Variants in FAM107B observed in about 807,000 individuals in gnomAD.
FAM107B encodes the protein family with sequence similarity 107 member B.
A neutral mutation model predicts 31.5 loss-of-function variants in FAM107B; 21 were observed. The observed-to-expected ratio is 0.67, with a 90% CI of 0.47 to 0.96. The LOEUF (loss-of-function observed/expected upper bound fraction) is 0.96, where lower values mean the gene tolerates loss of function less well. Among genes scored for constraint, FAM107B ranks in the 40% least tolerant of loss-of-function variants. FAM107B has a pLI of 0.00. For synonymous variants in FAM107B, 157 were observed against 141.5 expected, an observed-to-expected ratio of 1.11 and a Z score of -0.78; for missense variants, 452 against 377.1, an observed-to-expected ratio of 1.20 and a Z score of -1.64.
intron 1 of FAM107B, among the ~76,000 whole-genome samples, chr10:14,680,357 T>C (rs552809262): frequency 6.6e-6 from 1 of 152,112 alleles, no homozygotes; most frequent in Non-Finnish European, 1.5e-5. Context: ...GCACATCACC[T>C]GAGGTCAGGA....
Position 14,522,187 on chromosome 10 carries a change from C to T in FAM107B, c.654-168G>A, listed in dbSNP as rs547517514. 80 of 833,530 alleles carry T rather than the reference C, an allele frequency of 9.6e-5. No homozygotes were observed. In the Admixed American group the frequency reaches 1.1e-3, roughly 11 times the overall value. 51.6% of individuals were successfully genotyped at this position (833,530 alleles called of 1,614,324 possible). ...TGGTGATCTAAGAAATTCACCAGCA[C>T]GAAAGAAAGGCAAGAGGAGATCTCC... On this transcript the variant is annotated intron_variant, in intron 3 of 4. Coordinates refer to ENST00000181796, the MANE Select transcript of FAM107B (RefSeq NM_031453.4).
intron 2 of FAM107B, among the ~76,000 whole-genome samples, chr10:14,633,942 A>C (rs1406960717): frequency 6.6e-6 from 1 of 152,226 alleles, no homozygotes; most frequent in Non-Finnish European, 1.5e-5. Flanking sequence ...AACCAGTTGT[A>C]ATGACCAAGC....
chr10:14,581,129 G>A (rs1049389231), intron 2 of FAM107B, among the ~76,000 whole-genome samples: 3 of 152,186 alleles, frequency 2.0e-5, no homozygotes, highest in African/African-American at 7.2e-5. Flanking sequence ...AAATGAGCAC[G>A]CACATATCTG....
At chr10:14,648,071 A>G (rs559263769) in intron 2 of FAM107B, among the ~76,000 whole-genome samples, 4,381 of 152,298 alleles carry the variant, frequency 0.029, 207 homozygotes, top group African/African-American at 0.1. Context: ...TGCCAAAAAA[A>G]AAAAGTATTC....
At chr10:14,655,839 G>A (rs141497913) in intron 2 of FAM107B, among the ~76,000 whole-genome samples, 348 of 152,328 alleles carry the variant, frequency 2.3e-3, no homozygotes, top group Non-Finnish European at 3.9e-3. Flanking sequence ...GGGAAAGTGA[G>A]CTGCAGTATT....
At chr10:14,592,306 C>T (rs982849550) in intron 2 of FAM107B, among the ~76,000 whole-genome samples, 2 of 152,112 alleles carry the variant, frequency 1.3e-5, no homozygotes, top group Non-Finnish European at 2.9e-5. Context: ...GCTACTAGTG[C>T]GGAAATGTAC....
At chr10:14,674,588 A>C (rs1854637098) in intron 1 of FAM107B, among the ~76,000 whole-genome samples, 1 of 152,336 alleles carries the variant, frequency 6.6e-6, no homozygotes, top group East Asian at 1.9e-4. Flanking sequence ...TGGAGCACTT[A>C]GCGTGAGTAC....
intron 1 of FAM107B, among the ~76,000 whole-genome samples, chr10:14,738,823 G>A (rs765326062): frequency 1.4e-4 from 21 of 152,188 alleles, no homozygotes; most frequent in Admixed American, 2.0e-4. Context: ...ACTAGTTGCC[G>A]TCTGTTCTGG....
chr10:14,524,197 A>G (rs978430235), intron 3 of FAM107B, among the ~76,000 whole-genome samples: 2 of 152,052 alleles, frequency 1.3e-5, no homozygotes, highest in African/African-American at 4.8e-5. Flanking sequence ...GCCCGCAACC[A>G]CGACCGGATA....
At chr10:14,544,558 G>C (rs576610232) in intron 2 of FAM107B, among the ~76,000 whole-genome samples, 1 of 152,284 alleles carries the variant, frequency 6.6e-6, no homozygotes, top group East Asian at 1.9e-4. Flanking sequence ...TAGACTACTT[G>C]TAAGAAGACA....
intron 1 of FAM107B, among the ~76,000 whole-genome samples, chr10:14,721,917 G>A (rs1026385082): frequency 7.2e-5 from 11 of 152,084 alleles, no homozygotes; most frequent in South Asian, 4.1e-4. Context: ...TGAAGTCCTC[G>A]CCCATGCCTA....
intron 1 of FAM107B, among the ~76,000 whole-genome samples, chr10:14,761,034 A>AAAAAAAAAAAAC (rs1554757192): frequency 6.8e-6 from 1 of 146,634 alleles, no homozygotes; most frequent in Non-Finnish European, 1.5e-5. Flanking sequence ...AAAAAAAAAA[A>AAAAAAAAAAAAC]AAGAAAGACA....
At chr10:14,642,127 A>G (rs559480435) in intron 2 of FAM107B, among the ~76,000 whole-genome samples, 2 of 152,374 alleles carry the variant, frequency 1.3e-5, no homozygotes, top group Non-Finnish European at 2.9e-5. Flanking sequence ...GAAAGGAGTG[A>G]CAGACCCCAA....
At chr10:14,740,917 G>T (rs1288688803) in intron 1 of FAM107B, among the ~76,000 whole-genome samples, 1 of 152,174 alleles carries the variant, frequency 6.6e-6, no homozygotes, top group East Asian at 1.9e-4. Context: ...GCAAGTGTGG[G>T]TTCATTTTCT....
chr10:14,553,573 C>A, intron 2 of FAM107B: 1 of 320,112 alleles, frequency 3.1e-6, no homozygotes, highest in Non-Finnish European at 6.1e-6. Flanking sequence ...TTTAACCCCA[C>A]CACACAGGAA....
intron 2 of FAM107B, among the ~76,000 whole-genome samples, chr10:14,605,506 T>C (rs1852566617): frequency 6.6e-6 from 1 of 152,200 alleles, no homozygotes; most frequent in Non-Finnish European, 1.5e-5. Flanking sequence ...TGGGTCATAG[T>C]CATACTGAAA....
chr10:14,614,110 G>A (rs1023973231), intron 2 of FAM107B, among the ~76,000 whole-genome samples: 5 of 152,094 alleles, frequency 3.3e-5, no homozygotes, highest in Admixed American at 1.3e-4. Flanking sequence ...CAGCCTGGGC[G>A]TCAGAGTGAG....
chr10:14,681,118 A>G lies in FAM107B; in HGVS notation c.412-13427T>C, dbSNP rs549792650. Among the ~76,000 whole-genome samples, 44 of 152,306 alleles carry G rather than the reference A, an allele frequency of 2.9e-4. 1 individual carries two copies. In the Middle Eastern group the frequency reaches 0.01, roughly 35 times the overall value. ...GAACCCTAAGTAGCTACAGCAAAAG[A>G]CAGAGTGGTTCACGTGCTTGCAAAG... On this transcript the variant is annotated intron_variant, in intron 1 of 4. Coordinates refer to ENST00000181796, the MANE Select transcript of FAM107B (RefSeq NM_031453.4).
intron 1 of FAM107B, among the ~76,000 whole-genome samples, chr10:14,716,711 C>T (rs1855786492): frequency 6.6e-6 from 1 of 152,154 alleles, no homozygotes; most frequent in Admixed American, 6.5e-5. Context: ...CCTCCTCAAG[C>T]ACATCATTTA....
Sources: gnomAD v4.1 joint callset for allele counts (sites outside exome capture counted in the v4.1 genomes callset) on GRCh38, gnomAD v4.1.1 for gene constraint, MANE v1.5 for transcripts, NCBI Gene and HGNC (gene_info 2026-07-23, HGNC 2026-07-21) for gene names.